The following HPSE2 variants were observed in gnomAD, a reference collection of about 807,000 sequenced individuals.
HPSE2 encodes the protein inactive heparanase-2.
HPSE2 carries 38 observed loss-of-function variants against 60.5 expected under a neutral mutation model. That is an observed-to-expected ratio of 0.63 (90% CI 0.48 to 0.82). The LOEUF (loss-of-function observed/expected upper bound fraction) is 0.82, where lower values mean the gene tolerates loss of function less well. Among genes scored for constraint, HPSE2 ranks in the 40% least tolerant of loss-of-function variants. HPSE2 has a pLI of 0.00. For missense variants in HPSE2, 713 were observed against 740.4 expected (o/e 0.96, Z 0.43); for synonymous variants, 295 against 293.2 (o/e 1.01, Z -0.06).
chr10:98,771,800 G>A (rs185687954), intron 3 of HPSE2, among the ~76,000 whole-genome samples: 82 of 152,246 alleles, frequency 5.4e-4, no homozygotes, highest in African/African-American at 1.9e-3. Flanking sequence ...GACTTTTAGA[G>A]GTCTGCAAAA....
chr10:98,545,257 C>T (rs1031728731), intron 9 of HPSE2, among the ~76,000 whole-genome samples: 1 of 152,094 alleles, frequency 6.6e-6, no homozygotes, highest in East Asian at 1.9e-4. Flanking sequence ...CCTTCTGAAA[C>T]TATTCCAATC....
At chr10:99,146,460 G>A (rs1846057190) in intron 2 of HPSE2, among the ~76,000 whole-genome samples, 1 of 152,210 alleles carries the variant, frequency 6.6e-6, no homozygotes, top group South Asian at 2.1e-4. Context: ...CTCACTAAGA[G>A]AAACTCAGTT....
At chr10:98,951,037 C>CA (rs34219912) in intron 3 of HPSE2, among the ~76,000 whole-genome samples, 12 of 151,538 alleles carry the variant, frequency 7.9e-5, no homozygotes, top group Non-Finnish European at 1.3e-4. Context: ...GTACAAGTGA[C>CA]AAAAAAAAGT....
intron 9 of HPSE2, among the ~76,000 whole-genome samples, chr10:98,541,765 G>T (rs530355254): frequency 1.4e-5 from 2 of 145,494 alleles, no homozygotes; most frequent in Non-Finnish European, 3.1e-5. Context: ...GAGGCTGGGG[G>T]AGGGGCACCC....
intron 3 of HPSE2, among the ~76,000 whole-genome samples, chr10:99,029,966 C>T (rs1306930330): frequency 1.3e-5 from 2 of 152,214 alleles, no homozygotes; most frequent in Non-Finnish European, 2.9e-5. Context: ...CAACGGGCAT[C>T]TTCCCAGACA....
intron 3 of HPSE2, among the ~76,000 whole-genome samples, chr10:99,101,232 T>C (rs1031369742): frequency 6.6e-6 from 1 of 152,164 alleles, no homozygotes; most frequent in African/African-American, 2.4e-5. Flanking sequence ...GTGTGCTGTA[T>C]TCAGGAAACC....
At chr10:99,132,212 AGAGAGAGAGAGAGAGAG>A (rs1564833062) in intron 3 of HPSE2, among the ~76,000 whole-genome samples, 13 of 25,608 alleles carry the variant, frequency 5.1e-4, no homozygotes, top group African/African-American at 8.1e-4. Flanking sequence ...AGAGAGAGAG[AGAGAGAGAGAGAGAGAG>A]AGAGAGAGAG....
chr10:99,024,432 C>A (rs748770020), intron 3 of HPSE2, among the ~76,000 whole-genome samples: 4 of 151,966 alleles, frequency 2.6e-5, no homozygotes, highest in Non-Finnish European at 5.9e-5. Context: ...TAAAATATAG[C>A]CTCAAAAGGG....
chr10:99,232,691 C>A (rs561957067), intron 1 of HPSE2, among the ~76,000 whole-genome samples, 186 bp from the exon 2 acceptor site: 1 of 152,350 alleles, frequency 6.6e-6, no homozygotes, highest in African/African-American at 2.4e-5. Context: ...CCGCCCTCAC[C>A]GCCCGGCTCT....
intron 2 of HPSE2, among the ~76,000 whole-genome samples, chr10:99,175,651 C>T (rs1847495315): frequency 6.6e-6 from 1 of 152,206 alleles, no homozygotes; most frequent in Non-Finnish European, 1.5e-5. Flanking sequence ...CTCCCATCTC[C>T]CTGTGACAGA....
chr10:98,637,479 C>T (rs1946528045), intron 7 of HPSE2, among the ~76,000 whole-genome samples: 1 of 152,136 alleles, frequency 6.6e-6, no homozygotes, highest in Non-Finnish European at 1.5e-5. Flanking sequence ...ATGAACAAAA[C>T]AGGGCTTTCT....
At chr10:98,680,748 T>C (rs776944113) in intron 6 of HPSE2, among the ~76,000 whole-genome samples, 3 of 152,108 alleles carry the variant, frequency 2.0e-5, no homozygotes, top group Non-Finnish European at 4.4e-5. Flanking sequence ...CAAACTGAAT[T>C]GGTCATTTGT....
intron 3 of HPSE2, among the ~76,000 whole-genome samples, chr10:99,034,112 G>C (rs142965071): frequency 6.6e-6 from 1 of 152,108 alleles, no homozygotes; most frequent in African/African-American, 2.4e-5. Flanking sequence ...GTAAACAAAG[G>C]GTGGCACTTC....
chr10:98,947,355 A>C (rs527718729), intron 3 of HPSE2, among the ~76,000 whole-genome samples: 9 of 152,204 alleles, frequency 5.9e-5, no homozygotes, highest in Non-Finnish European at 1.3e-4. Context: ...GCAAGGACAT[A>C]TATGACAACT....
At chr10:98,678,966 G>C (rs756338545) in intron 6 of HPSE2, among the ~76,000 whole-genome samples, 30 of 152,044 alleles carry the variant, frequency 2.0e-4, no homozygotes, top group Non-Finnish European at 4.1e-4. Flanking sequence ...CAGGGCATTA[G>C]CTCACAAGGT....
Position 98,934,921 on chromosome 10 carries a change from A to G in HPSE2, c.611-190865T>C, listed in dbSNP as rs60738696. Among the ~76,000 whole-genome samples the G allele has an allele frequency of 3.1e-4, 44 of 143,330 alleles. 4 individuals carry two copies. In the East Asian group the frequency reaches 8.3e-3, roughly 27 times the overall value. The allele number at this position is 143,330 out of a possible 152,430, so 94.0% of individuals were successfully genotyped here. A position where few individuals can be genotyped will look rare whatever the true frequency, so the allele number is the denominator to read the frequency against. ...TCTCCCCATCTCTTTCAGGTATCCA[A>G]ACAGTCACAGGTTTGGTCTTTTTAC... On this transcript the variant is annotated intron_variant, in intron 3 of 11. Transcript: ENST00000370552.
chr10:99,139,676 T>C (rs1342360340), intron 3 of HPSE2, among the ~76,000 whole-genome samples: 2 of 152,178 alleles, frequency 1.3e-5, no homozygotes, highest in African/African-American at 4.8e-5. Flanking sequence ...TATAAATTTT[T>C]ATATGGAAAA....
At position 99,144,386 on chromosome 10, in the gene HPSE2, A is replaced by G. The variant is rs761505900; in HGVS notation, c.462T>C (p.Ser154=). 1.9e-6 allele frequency: 3 copies of G among 1,613,626 alleles called. No individual in the cohort carries two copies. In the African/African-American group the frequency reaches 4.0e-5, roughly 22 times the overall value. Residue 154 remains serine (S), a synonymous_variant, in exon 3 of 12, where the codon AGT becomes AGC. Transcript: ENST00000370552. ...LKNYEDDIVR[S]DVALDKQKGC... Reference sequence around the variant, plus strand: ...CTTTCTGTTTATCTAAGGCAACATCACTTCGAACAATGTCTACAAAAAGAA... The same window carrying G: ...CTTTCTGTTTATCTAAGGCAACATCGCTTCGAACAATGTCTACAAAAAGAA...
rs185443841 is a variant in HPSE2 at position 98,589,051 on chromosome 10, A to T, written c.1320+25853T>A. Among the ~76,000 whole-genome samples, 645 of 152,236 alleles carry T rather than the reference A, an allele frequency of 4.2e-3. 3 individuals carry two copies. Among genetic ancestry groups the T allele is most frequent in the African/African-American group, 0.015 (622 of 41,536 alleles). On this transcript the variant is annotated intron_variant, in intron 9 of 11. Coordinates refer to ENST00000370552, the MANE Select transcript of HPSE2 (RefSeq NM_021828.5). Reference sequence around the variant, plus strand: ...AATCCATGAAATAAAGTGTGTTTTTAAAAAAATATCTGATTGGTAGAATAT... The same window carrying T: ...AATCCATGAAATAAAGTGTGTTTTTTAAAAAATATCTGATTGGTAGAATAT...
Sources: allele counts gnomAD v4.1 joint callset (sites outside exome capture counted in the v4.1 genomes callset), GRCh38; gene constraint gnomAD v4.1.1; transcripts MANE v1.5; gene names NCBI Gene and HGNC (gene_info 2026-07-23, HGNC 2026-07-21).